Variants in ATG16L1 observed in about 807,000 individuals in gnomAD.
ATG16L1 encodes the protein autophagy-related protein 16-1.
ATG16L1 carries 37 observed loss-of-function variants against 88.5 expected under a neutral mutation model. The ratio of observed to expected loss-of-function variants is 0.42; its 90% CI spans 0.32 to 0.55. ATG16L1 has a LOEUF of 0.55. Ranked by LOEUF, ATG16L1 falls within the 20% of genes least tolerant of loss-of-function variation. The pLI is 0.13. For missense variants in ATG16L1, 554 were observed against 752.8 expected (o/e 0.74, Z 3.09); for synonymous variants, 301 against 281.0 (o/e 1.07, Z -0.71).
chr2:233,258,923 T>A (rs1407761229), intron 2 of ATG16L1, among the ~76,000 whole-genome samples: 1 of 152,160 alleles, frequency 6.6e-6, no homozygotes, highest in African/African-American at 2.4e-5. Context: ...TGGTCTTTAC[T>A]CCTGGGCTTA....
intron 2 of ATG16L1, among the ~76,000 whole-genome samples, chr2:233,261,048 C>T (rs538991296): frequency 4.4e-4 from 67 of 152,300 alleles, no homozygotes; most frequent in African/African-American, 1.6e-3. Flanking sequence ...CTCCGCCTTC[C>T]GGGTTCATGC....
chr2:233,283,717 A>T (rs1464625782), intron 12 of ATG16L1, among the ~76,000 whole-genome samples: 2 of 151,738 alleles, frequency 1.3e-5, no homozygotes, highest in African/African-American at 4.8e-5. Flanking sequence ...TTATATTTTT[A>T]GTAGAGATGG....
intron 11 of ATG16L1, among the ~76,000 whole-genome samples, chr2:233,282,000 A>G (rs1323101823): frequency 1.3e-5 from 2 of 152,234 alleles, no homozygotes; most frequent in Admixed American, 1.3e-4. Flanking sequence ...AGTGCCTATT[A>G]GGTTCTAAAT....
intron 2 of ATG16L1, among the ~76,000 whole-genome samples, chr2:233,258,460 TC>T (rs1242415679): frequency 6.6e-6 from 1 of 152,170 alleles, no homozygotes; most frequent in African/African-American, 2.4e-5. Flanking sequence ...GTTCAGGAGA[TC>T]CTGCCTGGCT....
chr2:233,265,727 CA>C (rs1311618967), intron 5 of ATG16L1, among the ~76,000 whole-genome samples: 1 of 152,138 alleles, frequency 6.6e-6, no homozygotes, highest in East Asian at 1.9e-4. Context: ...CTCGGCCTCC[CA>C]AAGTGCTGGG....
At chr2:233,272,861 C>A in intron 6 of ATG16L1, 105 bp from the exon 7 acceptor site, 1 of 962,950 alleles carries the variant, frequency 1.0e-6, no homozygotes, top group Non-Finnish European at 1.7e-6. Context: ...GCTGTCATAG[C>A]CAAGTGGTTT....
intron 2 of ATG16L1, among the ~76,000 whole-genome samples, chr2:233,257,380 T>C (rs1388933765): frequency 6.6e-6 from 1 of 152,194 alleles, no homozygotes; most frequent in Admixed American, 6.5e-5. Context: ...ACACTTTCAG[T>C]AGGACTGTGC....
At chr2:233,269,351 A>C (rs1263472666) in intron 5 of ATG16L1, among the ~76,000 whole-genome samples, 3 of 152,192 alleles carry the variant, frequency 2.0e-5, no homozygotes, top group Non-Finnish European at 4.4e-5. Context: ...ACTGTTAGTA[A>C]TCAGGCTGTG....
In ATG16L1 at chr2:233,271,525, G is replaced by A. The variant is rs527393298; in HGVS notation, c.708-1441G>A. 4.1e-4 allele frequency among the ~76,000 whole-genome samples: 63 copies of A among 152,302 alleles called. No individual in the cohort carries two copies. In the South Asian group the frequency reaches 8.5e-3, roughly 21 times the overall value. On this transcript the variant is annotated intron_variant, in intron 6 of 17. Coordinates refer to ENST00000392017, the MANE Select transcript of ATG16L1 (RefSeq NM_030803.7). Reference sequence around the variant, plus strand: ...ACTCCTGACTTCAGGTGATCTGCCCGCCTTGGCCTCCCAAAGTGCTGAAAT... The same window carrying A: ...ACTCCTGACTTCAGGTGATCTGCCCACCTTGGCCTCCCAAAGTGCTGAAAT...
chr2:233,290,353 G>T lies in ATG16L1; in HGVS notation c.1430G>T (p.Arg477Leu). The change falls in exon 14 of 18, where the codon CGA (arginine) becomes CTA (leucine). Residue 477 changes from arginine (R) to leucine (L), a missense_variant and splice_region_variant. Arg to Leu is a moderately radical substitution (Grantham distance 102). Coordinates refer to ENST00000392017, the MANE Select transcript of ATG16L1 (RefSeq NM_030803.7). Reference protein sequence around the residue: ...FDKKIRFWDIRSESIVREMEL... With the variant: ...FDKKIRFWDILSESIVREMEL... ...AAGAAAATTCGTTTCTGGGACATTC[G>T]GTATGATACCCAAGCTCCTGACTGG... 1 of 1,611,652 alleles carries T rather than the reference G, an allele frequency of 6.2e-7. No homozygotes were observed. Among genetic ancestry groups the T allele is most frequent in the Non-Finnish European group, 8.5e-7 (1 of 1,177,728 alleles).
rs1263385331 is a variant in ATG16L1, at chr2:233,274,774, T to C, written c.950T>C (p.Val317Ala). 6.2e-7 allele frequency: 1 copy of C among 1,608,816 alleles called. No homozygotes were observed. The highest frequency in any genetic ancestry group is 8.5e-7 in the Non-Finnish European group (1 of 1,175,476). Residue 317 changes from valine to alanine, a missense_variant, in exon 9 of 18, where the codon GTC becomes GCC. Transcript: ENST00000392017. ...AGGGTACCAGCTACTGCCTTGTGTG[T>C]CTTCGTAAGTATGCTTCAGCCCCGA... ...EVRVPATALC[V>A]FDAHDGEVNA...
intron 9 of ATG16L1, chr2:233,275,240 C>T (rs562383508): frequency 5.1e-5 from 10 of 195,904 alleles, no homozygotes; most frequent in Non-Finnish European, 1.1e-4. Context: ...GCAGAAGCCA[C>T]GGTGATGGAT....
At chr2:233,287,972 A>C (rs923988667) in intron 12 of ATG16L1, among the ~76,000 whole-genome samples, 4 of 152,170 alleles carry the variant, frequency 2.6e-5, no homozygotes, top group African/African-American at 9.7e-5. Context: ...TATTGAATGG[A>C]ATCATTATTC....
intron 12 of ATG16L1, among the ~76,000 whole-genome samples, chr2:233,284,109 G>A (rs1698914352): frequency 1.3e-5 from 2 of 151,330 alleles, no homozygotes; most frequent in South Asian, 4.2e-4. Flanking sequence ...CTCCCAAAGT[G>A]CTGGGATTAC....
intron 2 of ATG16L1, among the ~76,000 whole-genome samples, chr2:233,258,537 G>A (rs1696974745): frequency 6.6e-6 from 1 of 152,204 alleles, no homozygotes; most frequent in Non-Finnish European, 1.5e-5. Context: ...AATTTTAGGT[G>A]TAGATAATGC....
chr2:233,290,030 G>A, intron 13 of ATG16L1, 56 bp downstream of exon 13: 1 of 1,600,146 alleles, frequency 6.2e-7, no homozygotes, highest in South Asian at 1.1e-5. Flanking sequence ...GCGTGGAGGT[G>A]TGTGTTTGCA....
intron 12 of ATG16L1, chr2:233,288,690 G>A (rs1483295843): frequency 2.0e-6 from 1 of 503,228 alleles, no homozygotes; most frequent in Non-Finnish European, 4.0e-6. Flanking sequence ...AATGATGAAT[G>A]GTAAAAGGTC....
intron 14 of ATG16L1, 144 bp downstream of exon 14, chr2:233,290,497 G>A: frequency 1.5e-6 from 1 of 680,958 alleles, no homozygotes; most frequent in African/African-American, 1.8e-5. Context: ...ACACTTGGCT[G>A]TTCTTTCCCA....
intron 13 of ATG16L1, 89 bp from the exon 14 acceptor site, chr2:233,290,159 T>C: frequency 2.0e-6 from 3 of 1,518,220 alleles, no homozygotes; most frequent in Non-Finnish European, 2.7e-6. Context: ...TGAGTAACTC[T>C]GACAAGTCAG....
Sources: allele counts gnomAD v4.1 joint callset (sites outside exome capture counted in the v4.1 genomes callset), GRCh38; gene constraint gnomAD v4.1.1; transcripts MANE v1.5; gene names NCBI Gene and HGNC (gene_info 2026-07-23, HGNC 2026-07-21).